ITIH5: variants seen among roughly 807,000 people sequenced by gnomAD.
The protein encoded by ITIH5 is inter-alpha-trypsin inhibitor heavy chain 5, also known as inter-alpha-trypsin inhibitor heavy chain H5.
Under a neutral mutation model 77.5 loss-of-function variants are expected in ITIH5, and 65 were observed. That is an observed-to-expected ratio of 0.84 (90% CI 0.69 to 1.03). The LOEUF is 1.03. Ranked by LOEUF, ITIH5 falls within the 50% of genes least tolerant of loss-of-function variation. The probability of loss-of-function intolerance (pLI) is 0.00; values close to 1 mark genes in which losing one functional copy is unlikely to be tolerated. For missense variants in ITIH5, 1,208 were observed against 1,213.1 expected, an observed-to-expected ratio of 1.00 and a Z score of 0.06; for synonymous variants, 525 against 494.3, an observed-to-expected ratio of 1.06 and a Z score of -0.82.
intron 7 of ITIH5, among the ~76,000 whole-genome samples, chr10:7,589,609 C>A (rs934080950): frequency 2.0e-5 from 3 of 152,010 alleles, no homozygotes; most frequent in African/African-American, 7.2e-5. Flanking sequence ...CCTTTCCATT[C>A]CCAGGGCTCG....
chr10:7,646,414 T>C (rs1483636062), intron 2 of ITIH5, among the ~76,000 whole-genome samples: 2 of 152,258 alleles, frequency 1.3e-5, no homozygotes, highest in African/African-American at 4.8e-5. Context: ...AACTTTTGTA[T>C]ATCCTTCCAT....
chr10:7,564,938 C>T (rs1039824688), intron 13 of ITIH5, among the ~76,000 whole-genome samples: 7 of 139,560 alleles, frequency 5.0e-5, no homozygotes, highest in African/African-American at 1.9e-4. Flanking sequence ...TATACACACA[C>T]CATACATACA....
intron 5 of ITIH5, among the ~76,000 whole-genome samples, chr10:7,625,779 AAG>A (rs113578542): frequency 0.049 from 7,411 of 151,626 alleles, 213 homozygotes; most frequent in Non-Finnish European, 0.057. Context: ...AAAAAAAAGA[AAG>A]AAAGAAAGAA....
Position 7,566,146 on chromosome 10 carries a change from A to G in ITIH5, c.2411T>C (p.Ile804Thr). 6.2e-7 allele frequency: 1 copy of G among 1,614,080 alleles called. No homozygotes were observed. The highest frequency in any genetic ancestry group is 8.5e-7 in the Non-Finnish European group (1 of 1,180,010). ...ANVTVTIQGS[I>T]AFVILIHLYK... ...GAGGTGGATGAGGATGACAAAGGCT[A>G]TGGAGCCCTGGATGGTGACGGTGAC... Residue 804 changes from isoleucine (I) to threonine (T), a missense_variant, in exon 13 of 14, where the codon ATA (isoleucine) becomes ACA (threonine). Transcript: ENST00000397146.
chr10:7,565,546 G>A (rs1832133119), intron 13 of ITIH5, among the ~76,000 whole-genome samples: 1 of 149,048 alleles, frequency 6.7e-6, no homozygotes, highest in South Asian at 2.1e-4. Flanking sequence ...TTATCAGTCT[G>A]TGTATACATA....
At chr10:7,645,480 T>C (rs1833997015) in intron 2 of ITIH5, among the ~76,000 whole-genome samples, 1 of 152,202 alleles carries the variant, frequency 6.6e-6, no homozygotes, top group Non-Finnish European at 1.5e-5. Flanking sequence ...TAACAAACCC[T>C]TCAGGTCATT....
At chr10:7,582,161 A>C (rs1340895507) in intron 8 of ITIH5, among the ~76,000 whole-genome samples, 1 of 152,164 alleles carries the variant, frequency 6.6e-6, no homozygotes, top group Non-Finnish European at 1.5e-5. Flanking sequence ...GGCAGGGGCC[A>C]CAGCACCTGG....
In ITIH5 at chr10:7,563,299, C is replaced by T. The variant is rs770406264; in HGVS notation, c.2613G>A (p.Val871=). Residue 871 remains valine, a synonymous_variant, in exon 14 of 14, where the codon GTG becomes GTA. Coordinates refer to ENST00000397146, the MANE Select transcript of ITIH5 (RefSeq NM_030569.7). ...TTAGGACGGCCTCAGGCCCCTCTCC[C>T]ACCTGAAGGAGCAGAGGGTGAGTGA... The part of the protein sequence containing the change: ...QNLTHPLLLQ[V]GEGPEAVLTV... 6 of 1,614,212 alleles carry T rather than the reference C, an allele frequency of 3.7e-6. No homozygotes were observed. In the Admixed American group the frequency reaches 5.0e-5, roughly 13 times the overall value.
rs140306781 is a variant in ITIH5 at position 7,566,007 on chromosome 10, G to A, written c.2527+23C>T. The A allele has an allele frequency of 3.7e-4, 601 of 1,604,808 alleles. 5 individuals carry two copies. The East Asian group carries it at 9.4e-3, about 25-fold the overall frequency. On this transcript the variant is annotated intron_variant, in intron 13 of 13. Transcript: ENST00000397146. ...TGTAACTCTGCCCTCTATGCCCAGCGTGAGGAGAGCGCAGCTTCCTACCCA... is the reference window on the plus strand; with the variant it reads ...TGTAACTCTGCCCTCTATGCCCAGCATGAGGAGAGCGCAGCTTCCTACCCA...
chr10:7,655,768 A>T (rs1008104605), intron 1 of ITIH5, 93 bp from the exon 2 acceptor site: 20 of 979,074 alleles, frequency 2.0e-5, no homozygotes, highest in Non-Finnish European at 2.7e-5. Context: ...GAGTTATACA[A>T]GGGGGTTAAA....
rs1368025600 is a variant in ITIH5, at chr10:7,566,203, C to T, written c.2354G>A (p.Gly785Glu). 6.2e-7 allele frequency: 1 copy of T among 1,613,932 alleles called. No homozygotes were observed. Among genetic ancestry groups the T allele is most frequent in the Non-Finnish European group, 8.5e-7 (1 of 1,179,962 alleles). ...CNQSVVVGSWGLEVSVSANAN... is the reference protein window; with the variant it reads ...CNQSVVVGSWELEVSVSANAN... The stretch of plus-strand genomic sequence containing the variant: ...GTTGGCAGACACGGACACCTCCAGC[C>T]CCCAGCTCCCCACCACCACACTCTG... Residue 785 changes from glycine (G) to glutamate (E), a missense_variant, in exon 13 of 14, where the codon GGG (glycine) becomes GAG (glutamate). Transcript: ENST00000397146.
rs1832261745 is a variant in ITIH5, at chr10:7,569,788, C to A, written c.2033-4G>T. On this transcript the variant is annotated splice_region_variant and splice_polypyrimidine_tract_variant and intron_variant, in intron 11 of 13. Transcript: ENST00000397146. ...ACAAAGTGGGGATCACCATCCACTG[C>A]CAGAGCAGAAGAAAACGGAGAGAAA... The A allele has an allele frequency of 1.9e-6, 3 of 1,576,766 alleles. No homozygotes were observed. Among genetic ancestry groups the A allele is most frequent in the South Asian group, 2.3e-5 (2 of 86,948 alleles).
intron 5 of ITIH5, among the ~76,000 whole-genome samples, chr10:7,636,510 CCTTTT>C (rs1171092830): frequency 1.3e-5 from 2 of 152,174 alleles, no homozygotes; most frequent in African/African-American, 4.8e-5. Flanking sequence ...ATACAATTTG[CCTTTT>C]CTTCTCTGCC....
intron 8 of ITIH5, among the ~76,000 whole-genome samples, chr10:7,582,715 T>C (rs1832590695): frequency 1.3e-5 from 2 of 152,296 alleles, no homozygotes; most frequent in African/African-American, 4.8e-5. Context: ...GCTCATTATA[T>C]TCAGTGAATT....
At chr10:7,566,993 T>C (rs1474848282) in intron 12 of ITIH5, among the ~76,000 whole-genome samples, 4 of 151,908 alleles carry the variant, frequency 2.6e-5, no homozygotes, top group Non-Finnish European at 5.9e-5. Flanking sequence ...CTTATCTTTG[T>C]ATCTCTAGTA....
chr10:7,572,399 C>T, intron 11 of ITIH5: 2 of 1,364,644 alleles, frequency 1.5e-6, no homozygotes, highest in Non-Finnish European at 2.0e-6. Flanking sequence ...AAGCCACGAA[C>T]TGAAAAAAAT....
At chr10:7,628,656 T>C (rs35586781) in intron 5 of ITIH5, among the ~76,000 whole-genome samples, 71,349 of 144,482 alleles carry the variant, frequency 0.49, 19,728 homozygotes, top group African/African-American at 0.72. Flanking sequence ...CCATGTTGTC[T>C]GGGTTGTCAC....
intron 9 of ITIH5, among the ~76,000 whole-genome samples, chr10:7,579,451 G>T (rs113636089): frequency 0.018 from 2,707 of 152,126 alleles, 84 homozygotes; most frequent in African/African-American, 0.063. Context: ...CTTGAACCCA[G>T]GAAGCAGAGG....
At chr10:7,606,139 T>A (rs892347936) in intron 7 of ITIH5, among the ~76,000 whole-genome samples, 2 of 152,206 alleles carry the variant, frequency 1.3e-5, no homozygotes, top group African/African-American at 4.8e-5. Context: ...AGGGAATGCT[T>A]ATACACTGCC....
Sources: gnomAD v4.1 joint callset for allele counts (sites outside exome capture counted in the v4.1 genomes callset) on GRCh38, gnomAD v4.1.1 for gene constraint, MANE v1.5 for transcripts, NCBI Gene and HGNC (gene_info 2026-07-23, HGNC 2026-07-21) for gene names.